Variants in GRM8 observed in about 807,000 individuals in gnomAD.
GRM8 encodes glutamate metabotropic receptor 8.
In GRM8, 47 loss-of-function variants were observed where a neutral mutation model predicts 87.2. The ratio of observed to expected loss-of-function variants is 0.54; its 90% CI spans 0.43 to 0.69. The LOEUF is 0.69. Ranked by LOEUF, GRM8 falls within the 30% of genes least tolerant of loss-of-function variation. GRM8 has a pLI of 0.00. For missense variants in GRM8, 1,019 were observed against 1,139.2 expected, an observed-to-expected ratio of 0.89 and a Z score of 1.52; for synonymous variants, 396 against 404.5, an observed-to-expected ratio of 0.98 and a Z score of 0.25.
At chr7:126,797,031 T>C (rs116592454) in intron 6 of GRM8, among the ~76,000 whole-genome samples, 82 of 152,214 alleles carry the variant, frequency 5.4e-4, no homozygotes, top group African/African-American at 1.9e-3. Context: ...GAGAGTCTAA[T>C]TGGACATTTT....
rs561971982 is a variant in GRM8, at chr7:126,620,391, C to G, written c.1358-10893G>C. On this transcript the variant is annotated intron_variant, in intron 7 of 10. Coordinates refer to ENST00000339582, the MANE Select transcript of GRM8 (RefSeq NM_000845.3). ...CATCAGGTGCTACCCTTAGATGTCA[C>G]ACATCTCCTTGAATATTTTCTGTTC... is the stretch of plus-strand genomic sequence containing the variant. Among the ~76,000 whole-genome samples the G allele has an allele frequency of 2.9e-4, 44 of 152,298 alleles. 1 individual carries two copies. In the South Asian group the frequency reaches 9.1e-3, roughly 32 times the overall value.
intron 3 of GRM8, among the ~76,000 whole-genome samples, chr7:127,071,998 T>G (rs1821742053): frequency 6.6e-6 from 1 of 152,040 alleles, no homozygotes; most frequent in Non-Finnish European, 1.5e-5. Context: ...AACTCCAGTT[T>G]CTCTCCATTC....
chr7:126,953,968 T>C (rs1808426481), intron 3 of GRM8, among the ~76,000 whole-genome samples: 1 of 152,144 alleles, frequency 6.6e-6, no homozygotes, highest in Non-Finnish European at 1.5e-5. Flanking sequence ...GACTAGAAGA[T>C]ATTTAATATA....
intron 3 of GRM8, among the ~76,000 whole-genome samples, chr7:127,005,174 T>C (rs570694502): frequency 4.0e-5 from 6 of 150,926 alleles, no homozygotes; most frequent in South Asian, 4.2e-4. Context: ...GAGAACTCCA[T>C]ATTTGTAGAA....
chr7:126,715,610 CA>C (rs1474371440), intron 7 of GRM8, among the ~76,000 whole-genome samples: 2 of 152,190 alleles, frequency 1.3e-5, no homozygotes, highest in East Asian at 3.9e-4. Context: ...TGAATTATCT[CA>C]AATTGTCACA....
intron 6 of GRM8, among the ~76,000 whole-genome samples, chr7:126,806,260 C>T (rs774195277): frequency 1.3e-5 from 2 of 152,016 alleles, no homozygotes; most frequent in Middle Eastern, 3.4e-3. Flanking sequence ...CTCTTAAAGG[C>T]GGCGCATCTG....
intron 6 of GRM8, among the ~76,000 whole-genome samples, chr7:126,841,959 T>C (rs1042317591): frequency 6.6e-6 from 1 of 151,866 alleles, no homozygotes; most frequent in Non-Finnish European, 1.5e-5. Flanking sequence ...ACAAATGTTG[T>C]TGAGAGGAAT....
At chr7:127,003,678 G>C (rs1017015205) in intron 3 of GRM8, among the ~76,000 whole-genome samples, 2 of 151,732 alleles carry the variant, frequency 1.3e-5, no homozygotes, top group African/African-American at 4.8e-5. Context: ...GTCTAAACTT[G>C]AACAATGGTA....
At chr7:126,470,427 G>A (rs1396192179) in intron 9 of GRM8, among the ~76,000 whole-genome samples, 1 of 144,754 alleles carries the variant, frequency 6.9e-6, no homozygotes, top group Non-Finnish European at 1.5e-5. Context: ...ACCTATGAGT[G>A]AAAACATGCA....
intron 3 of GRM8, among the ~76,000 whole-genome samples, chr7:126,971,183 A>C (rs1419338494): frequency 7.6e-6 from 1 of 130,880 alleles, no homozygotes; most frequent in Non-Finnish European, 1.6e-5. Flanking sequence ...AAAAAAAAAA[A>C]ACACTATCTG....
intron 9 of GRM8, among the ~76,000 whole-genome samples, chr7:126,519,039 T>C (rs1228930973): frequency 6.6e-6 from 1 of 152,110 alleles, no homozygotes; most frequent in Non-Finnish European, 1.5e-5. Flanking sequence ...TTAAAAATGT[T>C]TATCCCTTTT....
At chr7:126,508,014 A>G (rs1292168204) in intron 9 of GRM8, among the ~76,000 whole-genome samples, 2 of 152,014 alleles carry the variant, frequency 1.3e-5, no homozygotes, top group Non-Finnish European at 2.9e-5. Context: ...AAGTACCTGC[A>G]CTGGCAGGAC....
At chr7:127,226,231 T>C (rs1797312144) in intron 2 of GRM8, among the ~76,000 whole-genome samples, 1 of 152,200 alleles carries the variant, frequency 6.6e-6, no homozygotes, top group Non-Finnish European at 1.5e-5. Flanking sequence ...TTCTGCCTTT[T>C]CTCTTGCTTC....
At chr7:126,447,398 A>G (rs952560235) in intron 9 of GRM8, among the ~76,000 whole-genome samples, 6 of 151,922 alleles carry the variant, frequency 3.9e-5, no homozygotes, top group Non-Finnish European at 4.4e-5. Context: ...TTAAGACTGT[A>G]AAGAGATTCT....
chr7:127,125,393 C>G (rs986379945), intron 2 of GRM8, among the ~76,000 whole-genome samples: 5 of 151,844 alleles, frequency 3.3e-5, no homozygotes, highest in Admixed American at 6.6e-5. Context: ...AACTGAATAA[C>G]CATATGAAGA....
chr7:126,897,596 G>A (rs772393739), intron 6 of GRM8, among the ~76,000 whole-genome samples: 2 of 150,650 alleles, frequency 1.3e-5, no homozygotes, highest in Non-Finnish European at 3.0e-5. Context: ...GGAGGGAGAG[G>A]TCAGATAAAA....
At chr7:127,125,431 C>T (rs1031890890) in intron 2 of GRM8, among the ~76,000 whole-genome samples, 2 of 151,870 alleles carry the variant, frequency 1.3e-5, no homozygotes, top group Non-Finnish European at 2.9e-5. Flanking sequence ...TCATACCATG[C>T]ATAAAAATTA....
intron 2 of GRM8, among the ~76,000 whole-genome samples, chr7:127,131,530 G>A (rs775289061): frequency 3.3e-5 from 5 of 152,084 alleles, no homozygotes; most frequent in Admixed American, 1.3e-4. Flanking sequence ...CCAGGGCCAG[G>A]GACTGTCAGA....
intron 2 of GRM8, among the ~76,000 whole-genome samples, chr7:127,149,285 TA>T: frequency 6.6e-6 from 1 of 151,914 alleles, no homozygotes; most frequent in East Asian, 1.9e-4. Context: ...AAAGAAGACA[TA>T]AAAATGGCCA....
Sources: gnomAD v4.1 joint callset for allele counts (sites outside exome capture counted in the v4.1 genomes callset) on GRCh38, gnomAD v4.1.1 for gene constraint, MANE v1.5 for transcripts, NCBI Gene and HGNC (gene_info 2026-07-23, HGNC 2026-07-21) for gene names.